The following SNAPC5 variants were observed in gnomAD, a reference collection of about 807,000 sequenced individuals.
The protein encoded by SNAPC5 is small nuclear RNA activating complex polypeptide 5.
SNAPC5 carries 12 observed loss-of-function variants against 9.1 expected under a neutral mutation model. The ratio of observed to expected loss-of-function variants is 1.32; its 90% CI spans 0.85 to 2.15. The LOEUF (loss-of-function observed/expected upper bound fraction) is 2.15, where lower values mean the gene tolerates loss of function less well. Ranked by LOEUF, SNAPC5 falls within the 30% of genes most tolerant of loss-of-function variation. The pLI is 0.00. For synonymous variants in SNAPC5, 52 were observed against 47.3 expected (o/e 1.10, Z -0.41); for missense variants, 132 against 114.4 (o/e 1.15, Z -0.70).
At chr15:66,489,946 G>A (rs910495494), downstream of SNAPC5, 37 of 683,790 alleles carry the variant, frequency 5.4e-5, no homozygotes, top group Non-Finnish European at 9.3e-5. Flanking sequence ...AGGGAAAGCT[G>A]GGGTGACCCC....
chr15:66,494,414 C>T lies in SNAPC5; in HGVS notation c.*22G>A, dbSNP rs756614440. On this transcript the variant is annotated 3_prime_UTR_variant, in exon 3 of 3. Coordinates refer to ENST00000316634, the MANE Select transcript of SNAPC5 (RefSeq NM_001329615.2). ...TTAGAAATGCAATTTGTATAACTGA[C>T]CAGCCTGGCTTTCCCCCTCCTTTAG... 9.8e-6 allele frequency: 15 copies of T among 1,527,724 alleles called. No individual in the cohort carries two copies. The highest frequency in any genetic ancestry group is 1.4e-5 in the Non-Finnish European group (15 of 1,106,694). 94.6% of individuals were successfully genotyped at this position (1,527,724 alleles called of 1,614,324 possible).
chr15:66,492,049 C>T (rs1398235315), downstream of SNAPC5: 3 of 456,384 alleles, frequency 6.6e-6, no homozygotes, highest in African/African-American at 2.0e-5. Flanking sequence ...GTCTCCTTTG[C>T]GACATTAAGC....
At chr15:66,495,083 A>G (rs1313453332) in intron 2 of SNAPC5, 1 of 518,456 alleles carries the variant, frequency 1.9e-6, no homozygotes, top group Admixed American at 3.2e-5. Flanking sequence ...GTAACTAGAC[A>G]GAATGGATGA....
At chr15:66,492,378 T>C (rs1228793198), downstream of SNAPC5, 1 of 188,184 alleles carries the variant, frequency 5.3e-6, no homozygotes, top group Non-Finnish European at 1.1e-5. Context: ...GCTTGGGATA[T>C]TGCCAGGATT....
At chr15:66,497,549 G>C (rs905455116) in intron 1 of SNAPC5, 93 bp downstream of exon 1, 16 of 1,094,046 alleles carry the variant, frequency 1.5e-5, no homozygotes, top group Admixed American at 5.1e-5. Context: ...CGGAGAACTG[G>C]CCGCAGCAGG....
chr15:66,497,685 A>T lies in SNAPC5; in HGVS notation c.47T>A (p.Leu16Gln). The part of the protein sequence containing the change: ...QELRKEEETL[L>Q]RLKAALHDQL... ...GTCGTGCAGGGCTGCCTTCAACCGC[A>T]GCAGCGTCTCCTCCTCCTTGCGCAG... Residue 16 changes from leucine to glutamine, a missense_variant, in exon 1 of 3, where the codon CTG becomes CAG. By Grantham distance (113) the Leu-to-Gln change is moderately radical (BLOSUM62 -2). Transcript: ENST00000316634. The T allele has an allele frequency of 1.2e-6, 2 of 1,613,932 alleles. No individual in the cohort carries two copies. Among genetic ancestry groups the T allele is most frequent in the South Asian group, 2.2e-5 (2 of 91,070 alleles).
At chr15:66,497,510 A>C in intron 1 of SNAPC5, 132 bp downstream of exon 1, 1 of 812,244 alleles carries the variant, frequency 1.2e-6, no homozygotes, top group South Asian at 1.4e-5. Flanking sequence ...GTAAACCTCT[A>C]AATTGGCGCC....
At chr15:66,493,378 G>A (rs1893319412), downstream of SNAPC5, 1 of 152,104 alleles carries the variant, frequency 6.6e-6, no homozygotes, top group African/African-American at 2.4e-5. Flanking sequence ...CTTCCGGCCT[G>A]GTGTAGTGGC....
In SNAPC5 at chr15:66,493,717, T is replaced by A. The variant is rs1476968979; in HGVS notation, c.*719A>T. ...TCTTCCAAGCATGGCACATCTCTCT[T>A]AAGGACCAGAAATGGATTTCAAACC... On this transcript the variant is annotated 3_prime_UTR_variant, in exon 3 of 3. Coordinates refer to ENST00000316634, the MANE Select transcript of SNAPC5 (RefSeq NM_001329615.2). 6.6e-6 allele frequency: 1 copy of A among 152,188 alleles called. No homozygotes were observed. Among genetic ancestry groups the A allele is most frequent in the Non-Finnish European group, 1.5e-5 (1 of 68,042 alleles). The allele number at this position is 152,188 out of a possible 1,614,324, so 9.4% of individuals were successfully genotyped here.
At chr15:66,495,198 A>C in intron 2 of SNAPC5, 132 bp downstream of exon 2, 1 of 726,250 alleles carries the variant, frequency 1.4e-6, no homozygotes, top group Non-Finnish European at 2.5e-6. Context: ...TAAACCAGAA[A>C]ACTGTTATCA....
At chr15:66,495,253 G>A in intron 2 of SNAPC5, 77 bp downstream of exon 2, 1 of 895,874 alleles carries the variant, frequency 1.1e-6, no homozygotes, top group South Asian at 1.3e-5. Flanking sequence ...ATTTACAACA[G>A]TTCTTCACCA....
At chr15:66,496,524 CTTT>C (rs67040573) in intron 1 of SNAPC5, among the ~76,000 whole-genome samples, 20 of 141,182 alleles carry the variant, frequency 1.4e-4, no homozygotes, top group Admixed American at 5.6e-4. Flanking sequence ...CTCCCTGGGA[CTTT>C]TTTTTTTTTT....
downstream of SNAPC5, chr15:66,491,725 T>C (rs1893265082): frequency 2.9e-6 from 1 of 343,254 alleles, no homozygotes; most frequent in Non-Finnish European, 5.7e-6. Context: ...CTGGACTCAG[T>C]CCAGCTCTTC....
downstream of SNAPC5, chr15:66,491,371 A>G: frequency 4.3e-6 from 1 of 232,916 alleles, no homozygotes. Context: ...CAAGATATTA[A>G]AATGTCGGAT....
At chr15:66,490,823 T>G (rs1222407506), downstream of SNAPC5, 2 of 644,884 alleles carry the variant, frequency 3.1e-6, no homozygotes, top group Admixed American at 2.1e-5. Flanking sequence ...CTAAGTGGAT[T>G]GGCTTTGTGC....
downstream of SNAPC5, chr15:66,489,835 A>G: frequency 3.1e-6 from 4 of 1,289,470 alleles, no homozygotes; most frequent in Admixed American, 1.7e-5. Context: ...TCATCTGTGC[A>G]GTACTTCCAG....
intron 1 of SNAPC5, chr15:66,496,942 GATC>G (rs1273630070): frequency 6.5e-6 from 1 of 154,780 alleles, no homozygotes; most frequent in African/African-American, 2.4e-5. Flanking sequence ...AGTGAGCCGA[GATC>G]ATGTCACTGC....
intron 1 of SNAPC5, chr15:66,497,149 A>G (rs1893464309): frequency 5.1e-6 from 1 of 195,294 alleles, no homozygotes; most frequent in East Asian, 1.3e-4. Context: ...CGTTAGGACA[A>G]GTCTCTTCTC....
At chr15:66,492,105 G>A (rs138903810), downstream of SNAPC5, 473 of 454,630 alleles carry the variant, frequency 1.0e-3, 4 homozygotes, top group African/African-American at 8.8e-3. Context: ...ACACCTTCCT[G>A]GAAAGGAGGA....
Sources: allele counts gnomAD v4.1 joint callset (sites outside exome capture counted in the v4.1 genomes callset), GRCh38; gene constraint gnomAD v4.1.1; transcripts MANE v1.5; gene names NCBI Gene and HGNC (gene_info 2026-07-23, HGNC 2026-07-21).